The following RBMS3 variants were observed in gnomAD, a reference collection of about 807,000 sequenced individuals.
RBMS3 encodes RNA-binding motif, single-stranded-interacting protein 3.
RBMS3 carries 27 observed loss-of-function variants against 66.8 expected under a neutral mutation model. The observed-to-expected ratio is 0.40, with a 90% CI of 0.30 to 0.56. The LOEUF is 0.56. Among genes scored for constraint, RBMS3 ranks in the 20% least tolerant of loss-of-function variants. The pLI is 0.40. For synonymous variants in RBMS3, 188 were observed against 183.0 expected (o/e 1.03, Z -0.22); for missense variants, 513 against 549.5 (o/e 0.93, Z 0.66).
intron 2 of RBMS3, among the ~76,000 whole-genome samples, chr3:29,440,246 T>C (rs1348397200): frequency 6.6e-6 from 1 of 152,214 alleles, no homozygotes; most frequent in Non-Finnish European, 1.5e-5. Flanking sequence ...CAACATATTT[T>C]ATCTAACCAT....
chr3:29,663,757 A>T (rs9871509), intron 4 of RBMS3, among the ~76,000 whole-genome samples: 15,089 of 90,394 alleles, frequency 0.17, 1,007 homozygotes, highest in East Asian at 0.41. Flanking sequence ...TTTCTTTTTT[A>T]AAAAAAAATT....
chr3:29,459,895 T>A (rs2042317724), intron 2 of RBMS3, among the ~76,000 whole-genome samples: 1 of 152,148 alleles, frequency 6.6e-6, no homozygotes, highest in South Asian at 2.1e-4. Flanking sequence ...CATTGAAACA[T>A]CCAGTTCAAA....
intron 10 of RBMS3, among the ~76,000 whole-genome samples, chr3:29,908,257 AAAAAC>A (rs200168720): frequency 0.023 from 3,537 of 152,120 alleles, 150 homozygotes; most frequent in African/African-American, 0.081. Flanking sequence ...TCTCAAAAAA[AAAAAC>A]AAACAAACAG....
intron 4 of RBMS3, among the ~76,000 whole-genome samples, chr3:29,658,095 T>C (rs4630899): frequency 0.21 from 32,658 of 152,100 alleles, 3,800 homozygotes; most frequent in East Asian, 0.35. Context: ...TCTTGGCAAG[T>C]TAATTCTGAA....
At chr3:29,604,472 T>TGC (rs1457358590) in intron 4 of RBMS3, among the ~76,000 whole-genome samples, 1 of 151,962 alleles carries the variant, frequency 6.6e-6, no homozygotes, top group African/African-American at 2.4e-5. Flanking sequence ...CCAGGCCTGG[T>TGC]GCCTCATCAT....
chr3:29,303,894 C>T lies in RBMS3; in HGVS notation c.75+22138C>T, dbSNP rs144743840. 1.8e-4 allele frequency among the ~76,000 whole-genome samples: 27 copies of T among 152,066 alleles called. No homozygotes were observed. The East Asian group carries it at 5.3e-3, about 30-fold the overall frequency. ...TCATGGTGGGAGGTGAAAGGCACTT[C>T]TTACATGGCGGTGGCAAGAGAAAAA... is the stretch of plus-strand genomic sequence containing the variant. On this transcript the variant is annotated intron_variant, in intron 1 of 14. Coordinates refer to ENST00000383767, the MANE Select transcript of RBMS3 (RefSeq NM_001003793.3).
At chr3:29,429,890 G>A (rs1363652332) in intron 1 of RBMS3, among the ~76,000 whole-genome samples, 3 of 151,932 alleles carry the variant, frequency 2.0e-5, no homozygotes, top group Non-Finnish European at 4.4e-5. Context: ...ATCAGTAAAG[G>A]GGCTGCTGTG....
intron 5 of RBMS3, among the ~76,000 whole-genome samples, chr3:29,758,413 G>A (rs2055519881): frequency 2.0e-5 from 3 of 152,142 alleles, no homozygotes; most frequent in Non-Finnish European, 4.4e-5. Flanking sequence ...TATAGAAGTT[G>A]ATATCTGAGT....
At chr3:29,828,142 A>G (rs1428627742) in intron 6 of RBMS3, among the ~76,000 whole-genome samples, 1 of 151,932 alleles carries the variant, frequency 6.6e-6, no homozygotes, top group African/African-American at 2.4e-5. Flanking sequence ...TCAGCTACCA[A>G]CCTAAATCTA....
At chr3:29,518,991 A>G (rs775710463) in intron 3 of RBMS3, among the ~76,000 whole-genome samples, 3 of 152,198 alleles carry the variant, frequency 2.0e-5, no homozygotes, top group Admixed American at 6.5e-5. Context: ...TTTGAAGGAA[A>G]GTAGAATACG....
intron 4 of RBMS3, among the ~76,000 whole-genome samples, chr3:29,691,017 T>A (rs138199928): frequency 1.3e-5 from 2 of 152,210 alleles, no homozygotes; most frequent in African/African-American, 4.8e-5. Context: ...GGTTTATACA[T>A]GTTTGGAGGA....
chr3:29,527,172 T>C (rs1266769310), intron 3 of RBMS3, among the ~76,000 whole-genome samples: 1 of 108,340 alleles, frequency 9.2e-6, no homozygotes, highest in African/African-American at 4.6e-5. Flanking sequence ...ACGTGATTGT[T>C]AGGTAGAGTA....
chr3:29,700,581 G>A (rs767063054), intron 4 of RBMS3, among the ~76,000 whole-genome samples: 6 of 151,944 alleles, frequency 3.9e-5, no homozygotes, highest in Non-Finnish European at 8.8e-5. Context: ...AGACAGGCAA[G>A]AAAATTGGTA....
chr3:29,333,717 G>A (rs1357062516), intron 1 of RBMS3, among the ~76,000 whole-genome samples: 1 of 152,146 alleles, frequency 6.6e-6, no homozygotes, highest in Non-Finnish European at 1.5e-5. Flanking sequence ...GCAGTGCAAT[G>A]AAGCCTCCAT....
At chr3:29,365,018 TA>T (rs2037818428) in intron 1 of RBMS3, among the ~76,000 whole-genome samples, 1 of 152,112 alleles carries the variant, frequency 6.6e-6, no homozygotes, top group African/African-American at 2.4e-5. Flanking sequence ...TTAATGAAAA[TA>T]AACTTCTCAA....
At chr3:29,810,015 G>T (rs1045926253) in intron 6 of RBMS3, among the ~76,000 whole-genome samples, 2 of 151,914 alleles carry the variant, frequency 1.3e-5, no homozygotes, top group Non-Finnish European at 2.9e-5. Context: ...TAAGGAATTT[G>T]CTTGCATTCT....
intron 4 of RBMS3, among the ~76,000 whole-genome samples, chr3:29,673,979 A>G (rs1430770198): frequency 1.3e-5 from 2 of 152,240 alleles, no homozygotes; most frequent in African/African-American, 2.4e-5. Context: ...AATATGCCTG[A>G]TGAACATCGA....
chr3:29,386,096 T>C (rs11713176), intron 1 of RBMS3, among the ~76,000 whole-genome samples: 4,449 of 152,284 alleles, frequency 0.029, 94 homozygotes, highest in Non-Finnish European at 0.044. Flanking sequence ...TTTCTTTAAA[T>C]GACTCTGGTA....
chr3:29,767,040 T>C (rs578212286), intron 6 of RBMS3: 7 of 152,092 alleles, frequency 4.6e-5, no homozygotes, highest in African/African-American at 1.7e-4. Flanking sequence ...CAGACATTTC[T>C]TTGTCCCGTA....
Sources: allele counts gnomAD v4.1 joint callset (sites outside exome capture counted in the v4.1 genomes callset), GRCh38; gene constraint gnomAD v4.1.1; transcripts MANE v1.5; gene names NCBI Gene and HGNC (gene_info 2026-07-23, HGNC 2026-07-21).